PPP2R2C: variants seen among roughly 807,000 people sequenced by gnomAD.
The protein encoded by PPP2R2C is protein phosphatase 2 regulatory subunit Bgamma, also known as protein phosphatase 2, regulatory subunit B, gamma.
A neutral mutation model predicts 45.3 loss-of-function variants in PPP2R2C; 10 were observed. The ratio of observed to expected loss-of-function variants is 0.22; its 90% CI spans 0.14 to 0.37. PPP2R2C has a LOEUF of 0.37. Among genes scored for constraint, PPP2R2C ranks in the 10% least tolerant of loss-of-function variants. The pLI, the probability that PPP2R2C is intolerant of heterozygous loss-of-function variation, is 1.00. For missense variants in PPP2R2C, 308 were observed against 619.7 expected, an observed-to-expected ratio of 0.50 and a Z score of 5.34; for synonymous variants, 257 against 245.4, an observed-to-expected ratio of 1.05 and a Z score of -0.44.
At chr4:6,381,834 AAGAC>A (rs761383637) in intron 1 of PPP2R2C, 9 of 1,613,648 alleles carry the variant, frequency 5.6e-6, no homozygotes, top group Admixed American at 5.0e-5. Flanking sequence ...TTGGAGAAAA[AAGAC>A]AGCCCCATCT....
At chr4:6,488,341 A>G (rs747073073) in intron 2 of PPP2R2C, among the ~76,000 whole-genome samples, 1 of 152,134 alleles carries the variant, frequency 6.6e-6, no homozygotes, top group Non-Finnish European at 1.5e-5. Context: ...TTGTATTCCT[A>G]TAAATATTCC....
At chr4:6,442,424 C>T (rs538044928) in intron 1 of PPP2R2C, among the ~76,000 whole-genome samples, 1 of 152,340 alleles carries the variant, frequency 6.6e-6, no homozygotes, top group East Asian at 1.9e-4. Context: ...TGCCCTTGGC[C>T]ACGTGCTTCA....
chr4:6,477,454 C>T (rs879718639), upstream of PPP2R2C, among the ~76,000 whole-genome samples: 2 of 152,092 alleles, frequency 1.3e-5, no homozygotes, highest in African/African-American at 4.8e-5. Flanking sequence ...AGGCTGGGCA[C>T]GGTGCCTCAC....
chr4:6,350,716 A>C (rs1239558169), intron 5 of PPP2R2C: 7 of 985,254 alleles, frequency 7.1e-6, no homozygotes, highest in Non-Finnish European at 8.4e-6. Flanking sequence ...GAGTGGCCAG[A>C]GGCTGGTTGC....
In PPP2R2C at chr4:6,518,624, T is replaced by A. The variant is rs142794447; in HGVS notation, c.49+16647A>T. 8.2e-3 allele frequency among the ~76,000 whole-genome samples: 1,253 copies of A among 152,276 alleles called. 12 individuals are homozygous for A. The highest frequency in any genetic ancestry group is 0.029 in the African/African-American group (1,189 of 41,548). ...GAAATAGACTATCTAAATAGGCCTATATCTATTAAAGAAATGGCCCAGGTG... is the reference window on the plus strand; with the variant it reads ...GAAATAGACTATCTAAATAGGCCTAAATCTATTAAAGAAATGGCCCAGGTG... On this transcript the variant is annotated intron_variant, in intron 2 of 9. Transcript: ENST00000506140.
At chr4:6,356,963 C>T (rs1271486867) in intron 5 of PPP2R2C, among the ~76,000 whole-genome samples, 5 of 148,636 alleles carry the variant, frequency 3.4e-5, no homozygotes, top group Admixed American at 6.7e-5. Flanking sequence ...TGTGGCACCT[C>T]GGGCCAGTCT....
intron 1 of PPP2R2C, among the ~76,000 whole-genome samples, chr4:6,436,632 T>A (rs1719906111): frequency 6.6e-6 from 1 of 152,224 alleles, no homozygotes; most frequent in Non-Finnish European, 1.5e-5. Flanking sequence ...TTCCTGCTGC[T>A]CCATATGAGT....
At chr4:6,335,799 T>C (rs1732800183) in intron 6 of PPP2R2C, among the ~76,000 whole-genome samples, 1 of 152,100 alleles carries the variant, frequency 6.6e-6, no homozygotes, top group Non-Finnish European at 1.5e-5. Flanking sequence ...CCCACGTTTA[T>C]GTTCATGCCT....
chr4:6,344,417 G>A (rs931654194), intron 6 of PPP2R2C, among the ~76,000 whole-genome samples: 15 of 152,174 alleles, frequency 9.9e-5, no homozygotes, highest in Admixed American at 8.5e-4. Flanking sequence ...TTGGACTCAC[G>A]AAATGTGCAA....
chr4:6,481,996 A>C (rs1560578288), intron 2 of PPP2R2C, among the ~76,000 whole-genome samples: 1 of 150,434 alleles, frequency 6.6e-6, no homozygotes, highest in East Asian at 1.9e-4. Context: ...AAAAAAAAAA[A>C]AAAAAAAAGT....
chr4:6,554,767 C>A (rs183484292), intron 1 of PPP2R2C, among the ~76,000 whole-genome samples: 1 of 150,130 alleles, frequency 6.7e-6, no homozygotes, highest in Admixed American at 6.7e-5. Flanking sequence ...AGCTGAGGCA[C>A]GAGAATCGCT....
chr4:6,518,032 T>A (rs1723881815), intron 2 of PPP2R2C, among the ~76,000 whole-genome samples: 1 of 152,138 alleles, frequency 6.6e-6, no homozygotes, highest in South Asian at 2.1e-4. Flanking sequence ...TGGAGAGGAT[T>A]GAAACAACAC....
intron 5 of PPP2R2C, among the ~76,000 whole-genome samples, chr4:6,357,656 T>C (rs1447365757): frequency 6.6e-6 from 1 of 152,106 alleles, no homozygotes; most frequent in African/African-American, 2.4e-5. Flanking sequence ...ATGGAGCAAG[T>C]GCAGCCCTGG....
At chr4:6,447,670 A>G (rs1256521422) in intron 1 of PPP2R2C, among the ~76,000 whole-genome samples, 1 of 152,140 alleles carries the variant, frequency 6.6e-6, no homozygotes, top group Non-Finnish European at 1.5e-5. Flanking sequence ...CTGTAACAAC[A>G]TCCTTCCGTC....
At chr4:6,451,260 T>G (rs1218437366) in intron 1 of PPP2R2C, among the ~76,000 whole-genome samples, 1 of 152,284 alleles carries the variant, frequency 6.6e-6, no homozygotes, top group South Asian at 2.1e-4. Context: ...CTGGATCCGC[T>G]GTGGACTGTC....
At chr4:6,381,206 C>A in intron 1 of PPP2R2C, 112 bp from the exon 2 acceptor site, 1 of 1,543,420 alleles carries the variant, frequency 6.5e-7, no homozygotes, top group South Asian at 1.2e-5. Flanking sequence ...GCCCCACAGC[C>A]CTGGGCAGGA....
intron 2 of PPP2R2C, among the ~76,000 whole-genome samples, chr4:6,500,728 C>T (rs1197174588): frequency 6.6e-6 from 1 of 152,248 alleles, no homozygotes; most frequent in East Asian, 1.9e-4. Flanking sequence ...TGACAAATAG[C>T]CCAAGGGCCT....
At chr4:6,356,964 G>A (rs115855171) in intron 5 of PPP2R2C, among the ~76,000 whole-genome samples, 560 of 151,348 alleles carry the variant, frequency 3.7e-3, no homozygotes, top group African/African-American at 0.011. Context: ...GTGGCACCTC[G>A]GGCCAGTCTC....
intron 2 of PPP2R2C, among the ~76,000 whole-genome samples, chr4:6,535,058 C>A (rs73086919): frequency 3.3e-5 from 5 of 151,312 alleles, no homozygotes; most frequent in Admixed American, 6.6e-5. Context: ...GAGACAGGGG[C>A]GGCAATGGGG....
Sources: gnomAD v4.1 joint callset for allele counts (sites outside exome capture counted in the v4.1 genomes callset) on GRCh38, gnomAD v4.1.1 for gene constraint, MANE v1.5 for transcripts, NCBI Gene and HGNC (gene_info 2026-07-23, HGNC 2026-07-21) for gene names.